Variants in CTBP2 observed in about 807,000 individuals in gnomAD.
The protein encoded by CTBP2 is C-terminal-binding protein 2.
A neutral mutation model predicts 80.3 loss-of-function variants in CTBP2; 30 were observed. The observed-to-expected ratio is 0.37, with a 90% CI of 0.28 to 0.51. The LOEUF is 0.51. Ranked by LOEUF, CTBP2 falls within the 20% of genes least tolerant of loss-of-function variation. The pLI, the probability that CTBP2 is intolerant of heterozygous loss-of-function variation, is 0.93. For missense variants in CTBP2, 1,212 were observed against 1,375.3 expected (o/e 0.88, Z 1.88); for synonymous variants, 594 against 587.4 (o/e 1.01, Z -0.16).
chr10:125,021,905 T>C (rs1026703757), intron 1 of CTBP2, among the ~76,000 whole-genome samples: 1 of 152,232 alleles, frequency 6.6e-6, no homozygotes, highest in African/African-American at 2.4e-5. Flanking sequence ...CTCTTGGATT[T>C]GGAAGGGAGG....
chr10:125,097,043 C>T (rs2135751482), intron 2 of CTBP2, among the ~76,000 whole-genome samples: 1 of 152,330 alleles, frequency 6.6e-6, no homozygotes, highest in South Asian at 2.1e-4. Context: ...ACTGTCTTCT[C>T]TTCACATAAT....
intron 1 of CTBP2, among the ~76,000 whole-genome samples, chr10:125,016,693 C>T (rs571780191): frequency 2.6e-5 from 4 of 152,348 alleles, no homozygotes; most frequent in South Asian, 4.1e-4. Flanking sequence ...AAGAGCGCTG[C>T]GCCCAGGCCC....
At chr10:125,116,335 T>C (rs1169962324) in intron 1 of CTBP2, among the ~76,000 whole-genome samples, 1 of 151,998 alleles carries the variant, frequency 6.6e-6, no homozygotes, top group African/African-American at 2.4e-5. Flanking sequence ...TTAGGACGAG[T>C]GAACGCCCTC....
chr10:125,115,662 T>G (rs562652045), intron 1 of CTBP2, among the ~76,000 whole-genome samples: 8 of 152,112 alleles, frequency 5.3e-5, no homozygotes, highest in Non-Finnish European at 1.0e-4. Context: ...ATCCACCTCT[T>G]CTAAGAAACT....
intron 1 of CTBP2, among the ~76,000 whole-genome samples, chr10:125,154,884 A>C (rs1350562427): frequency 2.0e-5 from 3 of 152,244 alleles, no homozygotes; most frequent in African/African-American, 4.8e-5. Context: ...ATGAACATCC[A>C]GCAAAAACTT....
chr10:125,087,199 C>T (rs541174964), intron 2 of CTBP2, among the ~76,000 whole-genome samples: 9 of 151,852 alleles, frequency 5.9e-5, no homozygotes, highest in African/African-American at 2.2e-4. Flanking sequence ...CTCAGCCTCC[C>T]GAGTACCTGG....
intron 2 of CTBP2, among the ~76,000 whole-genome samples, chr10:125,044,367 G>C (rs865886721): frequency 6.9e-6 from 1 of 145,346 alleles, no homozygotes; most frequent in African/African-American, 2.5e-5. Flanking sequence ...CAGATACGGT[G>C]CCAGTTAACA....
chr10:125,108,430 C>G (rs2135900324), intron 2 of CTBP2, among the ~76,000 whole-genome samples: 1 of 152,358 alleles, frequency 6.6e-6, no homozygotes, highest in South Asian at 2.1e-4. Context: ...CCTCCTTCTT[C>G]TGTGCCCACA....
intron 2 of CTBP2, among the ~76,000 whole-genome samples, chr10:125,064,883 C>A (rs550168563): frequency 2.6e-5 from 4 of 152,188 alleles, no homozygotes; most frequent in Non-Finnish European, 5.9e-5. Flanking sequence ...TGGTCTGGCT[C>A]TTCTCTACTT....
At chr10:125,029,423 GT>G, upstream of CTBP2, among the ~76,000 whole-genome samples, 1 of 152,054 alleles carries the variant, frequency 6.6e-6, no homozygotes, top group Admixed American at 6.5e-5. Flanking sequence ...TATATTTTTA[GT>G]AGAGCCTACC....
intron 1 of CTBP2, among the ~76,000 whole-genome samples, chr10:125,004,245 T>C (rs894498719): frequency 1.3e-5 from 2 of 152,128 alleles, no homozygotes; most frequent in African/African-American, 2.4e-5. Context: ...CGCGGCTGCA[T>C]CTAGACGTTC....
In CTBP2 at chr10:125,020,460, G is replaced by C. The variant is rs1285939013; in HGVS notation, c.1678+5622C>G. On this transcript the variant is annotated intron_variant, in intron 1 of 8. Coordinates refer to ENST00000309035, the MANE Select transcript of CTBP2 (RefSeq NM_022802.3). Reference sequence around the variant, plus strand: ...TAAACCAGGAAGACAGAACGCCCCTGTAGACATGAGGAGGTCAGTCAACGC... The same window carrying C: ...TAAACCAGGAAGACAGAACGCCCCTCTAGACATGAGGAGGTCAGTCAACGC... Among the ~76,000 whole-genome samples, 4 of 152,206 alleles carry C rather than the reference G, an allele frequency of 2.6e-5. No individual in the cohort carries two copies. The East Asian group carries it at 7.7e-4, about 29-fold the overall frequency.
intron 1 of CTBP2, among the ~76,000 whole-genome samples, chr10:125,146,500 C>G (rs1297831957): frequency 6.6e-6 from 1 of 152,184 alleles, no homozygotes; most frequent in African/African-American, 2.4e-5. Context: ...CCAGGCTGGT[C>G]TCAAACTCCT....
chr10:125,093,299 G>T (rs1152674), intron 2 of CTBP2, among the ~76,000 whole-genome samples: 3 of 152,166 alleles, frequency 2.0e-5, no homozygotes, highest in African/African-American at 4.8e-5. Context: ...AAAACAGAAG[G>T]CAGGCTTAAT....
chr10:125,150,485 C>CTAACCAGA (rs1372895505), intron 1 of CTBP2, among the ~76,000 whole-genome samples: 2 of 152,112 alleles, frequency 1.3e-5, no homozygotes, highest in Non-Finnish European at 2.9e-5. Flanking sequence ...TGTGGCAAAG[C>CTAACCAGA]CATCCCCAGA....
In CTBP2 at chr10:125,052,552, G is replaced by A. The variant is rs570460102; in HGVS notation, c.-101-13397C>T. On this transcript the variant is annotated intron_variant, in intron 2 of 10. Transcript: ENST00000337195. ...TTGTCTGTGTTAACAACACCCAGAA[G>A]ATTCCATCAGCCTCATGCCAGGGTT... Among the ~76,000 whole-genome samples the A allele has an allele frequency of 3.9e-4, 59 of 152,344 alleles. No individual in the cohort carries two copies. In the Middle Eastern group the frequency reaches 0.014, roughly 35 times the overall value.
chr10:125,115,629 C>T (rs1182993943), intron 1 of CTBP2, among the ~76,000 whole-genome samples: 1 of 152,210 alleles, frequency 6.6e-6, no homozygotes, highest in Non-Finnish European at 1.5e-5. Context: ...AGACTCCAGA[C>T]ATGTCTCCAG....
intron 1 of CTBP2, among the ~76,000 whole-genome samples, chr10:125,145,744 C>G (rs1214235937): frequency 1.3e-5 from 2 of 152,088 alleles, no homozygotes; most frequent in African/African-American, 4.8e-5. Context: ...AAACAGCTAG[C>G]GTGGGAGCAC....
chr10:125,062,280 C>T (rs1965123625), intron 2 of CTBP2, among the ~76,000 whole-genome samples: 1 of 152,096 alleles, frequency 6.6e-6, no homozygotes, highest in Non-Finnish European at 1.5e-5. Flanking sequence ...AAATGTTAGT[C>T]CTTTTATTTT....
Sources: gnomAD v4.1 joint callset for allele counts (sites outside exome capture counted in the v4.1 genomes callset) on GRCh38, gnomAD v4.1.1 for gene constraint, MANE v1.5 for transcripts, NCBI Gene and HGNC (gene_info 2026-07-23, HGNC 2026-07-21) for gene names.